ZNF678: variants seen among roughly 807,000 people sequenced by gnomAD.
The protein encoded by ZNF678 is hypothetical protein MGC42493.
ZNF678 carries 5 observed loss-of-function variants against 3.0 expected under a neutral mutation model. The ratio of observed to expected loss-of-function variants is 1.69; its 90% CI spans 0.88 to 3.56. ZNF678 has a LOEUF of 3.56. Among genes scored for constraint, ZNF678 ranks in the 30% most tolerant of loss-of-function variants. The pLI is 0.00. For missense variants in ZNF678, 593 were observed against 605.0 expected (o/e 0.98, Z 0.21); for synonymous variants, 218 against 199.6 (o/e 1.09, Z -0.78).
At chr1:227,647,393 G>C (rs527560259) in intron 2 of ZNF678, among the ~76,000 whole-genome samples, 85 of 152,212 alleles carry the variant, frequency 5.6e-4, no homozygotes, top group African/African-American at 1.9e-3. Context: ...ACCATACCAG[G>C]TTGGTAACTG....
chr1:227,583,352 CTT>C (rs796974595), intron 1 of ZNF678, among the ~76,000 whole-genome samples: 20 of 131,904 alleles, frequency 1.5e-4, no homozygotes, highest in Non-Finnish European at 2.9e-4. Flanking sequence ...TTTCTTTTTT[CTT>C]TTTTTTTTTT....
Position 227,646,571 on chromosome 1 carries a change from A to G in ZNF678, c.-136A>G, listed in dbSNP as rs749668312. On this transcript the variant is annotated 5_prime_UTR_variant, in exon 2 of 4. Coordinates refer to ENST00000343776, the MANE Select transcript of ZNF678 (RefSeq NM_001367909.1). ...ACTACTGGCATTCAGTGATGTGGTC[A>G]TAGAATTCTCTCCAGAGGAGTGGGC... The G allele has an allele frequency of 1.5e-6, 2 of 1,371,814 alleles. No homozygotes were observed. Among genetic ancestry groups the G allele is most frequent in the Non-Finnish European group, 2.0e-6 (2 of 1,024,314 alleles). The allele number at this position is 1,371,814 out of a possible 1,614,324, so 85.0% of individuals were successfully genotyped here. A position where few individuals can be genotyped will look rare whatever the true frequency, so the allele number is the denominator to read the frequency against.
intron 1 of ZNF678, among the ~76,000 whole-genome samples, chr1:227,606,246 C>T (rs553436111): frequency 1.3e-5 from 2 of 152,108 alleles, no homozygotes; most frequent in African/African-American, 4.8e-5. Context: ...GGCAGGAGAA[C>T]GGGGTGAATA....
chr1:227,641,632 C>T (rs578109735), intron 1 of ZNF678, among the ~76,000 whole-genome samples: 19 of 152,196 alleles, frequency 1.2e-4, no homozygotes, highest in Admixed American at 5.9e-4. Context: ...TGTAAAGGGG[C>T]CTTTCTTTTT....
At chr1:227,573,343 A>G (rs1434001711) in intron 1 of ZNF678, among the ~76,000 whole-genome samples, 3 of 152,266 alleles carry the variant, frequency 2.0e-5, no homozygotes, top group Non-Finnish European at 1.5e-5. Context: ...TGAAAGTAGC[A>G]CTATTATTAT....
At chr1:227,671,140 C>T (rs767490065) in intron 5 of ZNF678, among the ~76,000 whole-genome samples, 1 of 147,268 alleles carries the variant, frequency 6.8e-6, no homozygotes, top group Non-Finnish European at 1.5e-5. Context: ...GCGGTGGTGC[C>T]ATCATAGTTC....
At chr1:227,570,353 C>T (rs1200898764) in intron 1 of ZNF678, among the ~76,000 whole-genome samples, 1 of 152,224 alleles carries the variant, frequency 6.6e-6, no homozygotes, top group Non-Finnish European at 1.5e-5. Context: ...ACATTGTAGG[C>T]TTGCCTTTTC....
At chr1:227,596,064 G>C (rs182787956) in intron 1 of ZNF678, among the ~76,000 whole-genome samples, 5 of 151,956 alleles carry the variant, frequency 3.3e-5, no homozygotes, top group South Asian at 4.1e-4. Context: ...CCACTGCATT[G>C]ATCCTCCATG....
In ZNF678 at chr1:227,657,429, A is replaced by G. The variant is rs981212443; in HGVS notation, c.*1601A>G. 3.3e-5 allele frequency: 5 copies of G among 151,934 alleles called. No homozygotes were observed. The highest frequency in any genetic ancestry group is 9.7e-5 in the African/African-American group (4 of 41,390). The allele number at this position is 151,934 out of a possible 1,614,324, so 9.4% of individuals were successfully genotyped here. The stretch of plus-strand genomic sequence containing the variant: ...GCAGCACAAAATGGACTAACATCCC[A>G]TAGGTTATATTTTTATTTTTTTCTT... On this transcript the variant is annotated 3_prime_UTR_variant, in exon 4 of 4. Transcript: ENST00000343776.
intron 1 of ZNF678, among the ~76,000 whole-genome samples, chr1:227,587,674 A>C (rs1657296259): frequency 6.6e-6 from 1 of 152,130 alleles, no homozygotes; most frequent in Admixed American, 6.5e-5. Context: ...GGGTATCATC[A>C]CTGCATTTAC....
intron 1 of ZNF678, among the ~76,000 whole-genome samples, chr1:227,633,080 A>G (rs1295739376): frequency 4.6e-5 from 7 of 152,166 alleles, no homozygotes; most frequent in Non-Finnish European, 8.8e-5. Flanking sequence ...AGGAGTGGCA[A>G]TGGGCACCTC....
intron 1 of ZNF678, among the ~76,000 whole-genome samples, chr1:227,617,985 C>T (rs894611154): frequency 6.6e-6 from 1 of 152,158 alleles, no homozygotes; most frequent in Non-Finnish European, 1.5e-5. Flanking sequence ...TGCATGGACA[C>T]AGCAGAATAA....
chr1:227,565,020 A>G lies in ZNF678; in HGVS notation c.-164+1296A>G, dbSNP rs370456830. Among the ~76,000 whole-genome samples, 286 of 140,036 alleles carry G rather than the reference A, an allele frequency of 2.0e-3. 2 individuals are homozygous for G. Among genetic ancestry groups the G allele is most frequent in the African/African-American group, 7.4e-3 (275 of 37,232 alleles). 91.9% of individuals were successfully genotyped at this position (140,036 alleles called of 152,430 possible). A position where few individuals can be genotyped will look rare whatever the true frequency, so the allele number is the denominator to read the frequency against. ...AGTGCTGGGATTACAGGCGTGAGCC[A>G]CCACGCCTGGCCTGTTGTTTTTTCC... On this transcript the variant is annotated intron_variant, in intron 1 of 3. Transcript: ENST00000343776.
chr1:227,606,909 T>G (rs1657887347), intron 1 of ZNF678, among the ~76,000 whole-genome samples: 1 of 152,198 alleles, frequency 6.6e-6, no homozygotes, highest in South Asian at 2.1e-4. Context: ...AAGTTACAGA[T>G]TAACAGCATC....
At chr1:227,618,701 A>C (rs1341885460) in intron 1 of ZNF678, among the ~76,000 whole-genome samples, 1 of 152,128 alleles carries the variant, frequency 6.6e-6, no homozygotes, top group Non-Finnish European at 1.5e-5. Context: ...CTTACAAAGG[A>C]AAGGGTGGTT....
Position 227,567,513 on chromosome 1 carries a change from A to G in ZNF678, c.-164+3789A>G, listed in dbSNP as rs531290280. Among the ~76,000 whole-genome samples the G allele has an allele frequency of 6.6e-5, 10 of 152,242 alleles. No individual in the cohort carries two copies. In the South Asian group the frequency reaches 1.7e-3, roughly 25 times the overall value. ...AAGCACGGAAGAGCCCTTTACATTG[A>G]GAGAAGCTACGGATCTCCTGGAAAG... On this transcript the variant is annotated intron_variant, in intron 1 of 3. Coordinates refer to ENST00000343776, the MANE Select transcript of ZNF678 (RefSeq NM_001367909.1).
chr1:227,564,426 G>A (rs1380583178), intron 1 of ZNF678, among the ~76,000 whole-genome samples: 4 of 152,212 alleles, frequency 2.6e-5, no homozygotes, highest in African/African-American at 9.6e-5. Context: ...AGCCACCTCA[G>A]TCTAATTGCC....
At chr1:227,591,523 G>A (rs1386153388) in intron 1 of ZNF678, among the ~76,000 whole-genome samples, 1 of 152,072 alleles carries the variant, frequency 6.6e-6, no homozygotes, top group African/African-American at 2.4e-5. Context: ...ATTAATGACA[G>A]CACAGGCATC....
At chr1:227,593,497 G>C (rs1182939763) in intron 1 of ZNF678, among the ~76,000 whole-genome samples, 1 of 152,092 alleles carries the variant, frequency 6.6e-6, no homozygotes, top group Non-Finnish European at 1.5e-5. Flanking sequence ...CAAGACTCCT[G>C]GTTGGCACTG....
Sources: allele counts gnomAD v4.1 joint callset (sites outside exome capture counted in the v4.1 genomes callset), GRCh38; gene constraint gnomAD v4.1.1; transcripts MANE v1.5; gene names NCBI Gene and HGNC (gene_info 2026-07-23, HGNC 2026-07-21).